Variants in MBTD1 observed in about 807,000 individuals in gnomAD.
MBTD1 encodes mbt domain containing 1.
MBTD1 carries 24 observed loss-of-function variants against 87.8 expected under a neutral mutation model. The observed-to-expected ratio is 0.27, with a 90% CI of 0.20 to 0.38. The LOEUF (loss-of-function observed/expected upper bound fraction) is 0.38, where lower values mean the gene tolerates loss of function less well. Among genes scored for constraint, MBTD1 ranks in the 10% least tolerant of loss-of-function variants. The pLI is 1.00. For synonymous variants in MBTD1, 237 were observed against 248.6 expected (o/e 0.95, Z 0.44); for missense variants, 436 against 760.2 (o/e 0.57, Z 5.02).
chr17:51,254,255 T>C (rs1410354874), intron 2 of MBTD1, among the ~76,000 whole-genome samples: 1 of 152,192 alleles, frequency 6.6e-6, no homozygotes, highest in Non-Finnish European at 1.5e-5. Context: ...TCTATTATAC[T>C]ATGAGGATGA....
intron 15 of MBTD1, 69 bp from the exon 16 acceptor site, chr17:51,192,349 T>C: frequency 3.8e-6 from 4 of 1,060,978 alleles, no homozygotes; most frequent in East Asian, 5.2e-5. Context: ...GTTGTCTAGA[T>C]ACAACTTATA....
At chr17:51,209,503 T>A (rs1412717231) in intron 6 of MBTD1, 4 of 470,676 alleles carry the variant, frequency 8.5e-6, no homozygotes, top group African/African-American at 8.0e-5. Flanking sequence ...CCAACACAAA[T>A]GTATGACAAC....
chr17:51,229,819 C>A (rs941861687), intron 2 of MBTD1, among the ~76,000 whole-genome samples: 12 of 152,004 alleles, frequency 7.9e-5, no homozygotes, highest in African/African-American at 2.9e-4. Context: ...CACCACCACG[C>A]CCGGCTAATT....
intron 12 of MBTD1, among the ~76,000 whole-genome samples, chr17:51,199,011 G>T (rs751411810): frequency 6.6e-6 from 1 of 152,154 alleles, no homozygotes; most frequent in Admixed American, 6.5e-5. Context: ...GGCCAGGCTG[G>T]TCTTGAACTC....
At chr17:51,198,944 AG>A (rs1232691244) in intron 12 of MBTD1, among the ~76,000 whole-genome samples, 4 of 152,066 alleles carry the variant, frequency 2.6e-5, no homozygotes. Context: ...CTGGGATTAT[AG>A]GTACACACCA....
At chr17:51,194,267 T>A (rs200173406) in intron 13 of MBTD1, among the ~76,000 whole-genome samples, 1 of 152,088 alleles carries the variant, frequency 6.6e-6, no homozygotes, top group African/African-American at 2.4e-5. Context: ...AAAACAGCCA[T>A]CCTTTTAAAA....
intron 2 of MBTD1, among the ~76,000 whole-genome samples, chr17:51,231,052 C>T (rs1269960193): frequency 6.6e-6 from 1 of 152,212 alleles, no homozygotes; most frequent in Non-Finnish European, 1.5e-5. Context: ...ATTCTTCTGC[C>T]TCAGCCTCTT....
chr17:51,206,605 A>G (rs2051852847), intron 7 of MBTD1, among the ~76,000 whole-genome samples: 1 of 152,206 alleles, frequency 6.6e-6, no homozygotes, highest in Admixed American at 6.5e-5. Context: ...TTTCCTGTAA[A>G]TAAAGTTCTA....
intron 12 of MBTD1, among the ~76,000 whole-genome samples, chr17:51,201,291 C>T (rs1036483934): frequency 2.0e-5 from 3 of 152,116 alleles, no homozygotes; most frequent in African/African-American, 7.2e-5. Flanking sequence ...ATAAACTTGG[C>T]CTTGTTACAA....
At chr17:51,190,770 T>TATATATATATATATATAA (rs1360538089) in intron 16 of MBTD1, among the ~76,000 whole-genome samples, 1 of 111,944 alleles carries the variant, frequency 8.9e-6, no homozygotes, top group African/African-American at 3.7e-5. Flanking sequence ...TATATATATA[T>TATATATATATATATATAA]AACCTTATCT....
At chr17:51,188,194 G>A (rs1027849702) in intron 16 of MBTD1, among the ~76,000 whole-genome samples, 1 of 152,198 alleles carries the variant, frequency 6.6e-6, no homozygotes, top group Non-Finnish European at 1.5e-5. Flanking sequence ...TGAAAATGGT[G>A]AGATTTAAAG....
chr17:51,260,671 G>A, upstream of MBTD1: 2 of 1,611,528 alleles, frequency 1.2e-6, no homozygotes, highest in Non-Finnish European at 1.7e-6. Flanking sequence ...GGCCGGACTG[G>A]AAAGCCGGAG....
rs531845636 is a variant in MBTD1 at position 51,217,371 on chromosome 17, T to C, written c.449A>G (p.Asn150Ser). The C allele has an allele frequency of 9.1e-6, 14 of 1,540,754 alleles. No homozygotes were observed. The highest frequency in any genetic ancestry group is 4.1e-5 in the Admixed American group (2 of 48,952). ...GFSWGNYINS[N>S]SFIAAPVTCF... Reference sequence around the variant, plus strand: ...GGTAACCGGAGCTGCTATAAAGCTATTGCTATTGATGTAGTTACCCCAGCT... The same window carrying C: ...GGTAACCGGAGCTGCTATAAAGCTACTGCTATTGATGTAGTTACCCCAGCT... The change falls in exon 6 of 17, where the codon AAT becomes AGT. Residue 150 changes from asparagine (N) to serine (S), a missense_variant. Asn to Ser is a conservative substitution (Grantham distance 46). Coordinates refer to ENST00000586178, the MANE Select transcript of MBTD1 (RefSeq NM_017643.3).
chr17:51,183,703 G>C (rs567151942), intron 16 of MBTD1: 22 of 152,230 alleles, frequency 1.4e-4, no homozygotes, highest in African/African-American at 5.3e-4. Flanking sequence ...AAATAAAAAT[G>C]CTTTTATGAG....
At chr17:51,203,272 C>T in intron 8 of MBTD1, 44 bp from the exon 9 acceptor site, 1 of 954,998 alleles carries the variant, frequency 1.0e-6, no homozygotes, top group African/African-American at 1.7e-5. Flanking sequence ...CAAAAAAGAA[C>T]TGCTTCATAA....
chr17:51,223,861 T>G (rs2053060689), intron 3 of MBTD1, among the ~76,000 whole-genome samples: 1 of 151,986 alleles, frequency 6.6e-6, no homozygotes, highest in African/African-American at 2.4e-5. Flanking sequence ...TTTCTAAGAC[T>G]GAAAGTTAGT....
chr17:51,233,139 G>A (rs934768385), intron 2 of MBTD1, among the ~76,000 whole-genome samples: 2 of 147,048 alleles, frequency 1.4e-5, no homozygotes, highest in African/African-American at 2.5e-5. Flanking sequence ...ATGTAAATTA[G>A]GCACAACAAA....
At chr17:51,259,774 G>C in intron 1 of MBTD1, 61 bp downstream of exon 1, 1 of 1,230,356 alleles carries the variant, frequency 8.1e-7, no homozygotes, top group Non-Finnish European at 1.0e-6. Context: ...TCCTGGGGTC[G>C]GAGAGCTGCA....
chr17:51,247,280 T>C lies in MBTD1; in HGVS notation c.-49+11863A>G, dbSNP rs559673969. ...CATAAATAGATTTCCAAATACTGAA[T>C]CATCCTTGTATTCCTGGTATAAAAC... is the stretch of plus-strand genomic sequence containing the variant. On this transcript the variant is annotated intron_variant, in intron 2 of 16. Transcript: ENST00000586178. 1.4e-4 allele frequency among the ~76,000 whole-genome samples: 21 copies of C among 152,322 alleles called. No individual in the cohort carries two copies. In the South Asian group the frequency reaches 3.9e-3, roughly 29 times the overall value.
Sources: allele counts gnomAD v4.1 joint callset (sites outside exome capture counted in the v4.1 genomes callset), GRCh38; gene constraint gnomAD v4.1.1; transcripts MANE v1.5; gene names NCBI Gene and HGNC (gene_info 2026-07-23, HGNC 2026-07-21).